EML1: variants seen among roughly 807,000 people sequenced by gnomAD.
The protein encoded by EML1 is echinoderm microtubule-associated protein-like 1.
A neutral mutation model predicts 110.4 loss-of-function variants in EML1; 27 were observed. The ratio of observed to expected loss-of-function variants is 0.24; its 90% CI spans 0.18 to 0.34. EML1 has a LOEUF of 0.34. Among genes scored for constraint, EML1 ranks in the 10% least tolerant of loss-of-function variants. EML1 has a pLI of 1.00. For synonymous variants in EML1, 344 were observed against 385.8 expected, an observed-to-expected ratio of 0.89 and a Z score of 1.27; for missense variants, 741 against 1,030.9, an observed-to-expected ratio of 0.72 and a Z score of 3.85.
At chr14:99,849,250 A>T (rs2058751543) in intron 1 of EML1, among the ~76,000 whole-genome samples, 1 of 151,962 alleles carries the variant, frequency 6.6e-6, no homozygotes, top group Non-Finnish European at 1.5e-5. Flanking sequence ...TAAAATTCTG[A>T]ATTTAGTTTT....
intron 1 of EML1, among the ~76,000 whole-genome samples, chr14:99,837,753 G>A (rs944587288): frequency 6.6e-6 from 1 of 152,076 alleles, no homozygotes; most frequent in Non-Finnish European, 1.5e-5. Flanking sequence ...TCTGGCTTTG[G>A]CCCCATTGGT....
At chr14:99,798,873 C>T (rs1244003441) in intron 1 of EML1, among the ~76,000 whole-genome samples, 1 of 152,096 alleles carries the variant, frequency 6.6e-6, no homozygotes, top group Non-Finnish European at 1.5e-5. Flanking sequence ...AGGCAGAGCC[C>T]TATCAGATTA....
upstream of EML1, among the ~76,000 whole-genome samples, chr14:99,771,203 A>G (rs1265337481): frequency 6.6e-6 from 1 of 152,116 alleles, no homozygotes; most frequent in African/African-American, 2.4e-5. Flanking sequence ...GTCACCCTGA[A>G]AAAAGACCCC....
Position 99,874,241 on chromosome 14 carries a change from A to G in EML1, c.384-4244A>G, listed in dbSNP as rs568560152. The stretch of plus-strand genomic sequence containing the variant: ...TTAAGTGGCACAAATTGTTGAATGC[A>G]TATGCAATGTAATATAAAGAACCAT... On this transcript the variant is annotated intron_variant, in intron 3 of 21. Transcript: ENST00000262233. Among the ~76,000 whole-genome samples, 4 of 152,362 alleles carry G rather than the reference A, an allele frequency of 2.6e-5. No individual in the cohort carries two copies. The South Asian group carries it at 6.2e-4, about 24-fold the overall frequency.
At chr14:99,895,758 C>T (rs564194457) in intron 6 of EML1, among the ~76,000 whole-genome samples, 3 of 49,486 alleles carry the variant, frequency 6.1e-5, no homozygotes, top group Non-Finnish European at 1.1e-4. Flanking sequence ...TAGATATCAT[C>T]CTACTTTAAA....
Position 99,936,831 on chromosome 14 carries a change from G to A in EML1, c.2095+497G>A, listed in dbSNP as rs908702234. The stretch of plus-strand genomic sequence containing the variant: ...GGCCCAGGCAGTGCTTGGGAACAGC[G>A]AGGATGATCGTGGCGGGCACTTACA... On this transcript the variant is annotated intron_variant, in intron 19 of 21. Coordinates refer to ENST00000262233, the MANE Select transcript of EML1 (RefSeq NM_004434.3). The surrounding 1 kb of genome is among the most constrained non-coding windows in gnomAD (Gnocchi z 5.5). Among the ~76,000 whole-genome samples the A allele has an allele frequency of 6.6e-6, 1 of 152,166 alleles. No homozygotes were observed. Among genetic ancestry groups the A allele is most frequent in the Non-Finnish European group, 1.5e-5 (1 of 68,022 alleles).
chr14:99,737,733 G>A, exon 1 of EML1: 1 of 1,219,360 alleles, frequency 8.2e-7, no homozygotes, highest in South Asian at 1.3e-5. Context: ...CCTGGGGCTG[G>A]ACGCGGAGGA....
At chr14:99,838,754 G>A (rs1014785947) in intron 1 of EML1, among the ~76,000 whole-genome samples, 3 of 152,050 alleles carry the variant, frequency 2.0e-5, no homozygotes, top group African/African-American at 4.8e-5. Flanking sequence ...TGCTTCACAC[G>A]TTATCAGGAA....
At chr14:99,750,996 C>G (rs530701086) in intron 1 of EML1, among the ~76,000 whole-genome samples, 1 of 152,230 alleles carries the variant, frequency 6.6e-6, no homozygotes, top group East Asian at 1.9e-4. Flanking sequence ...GTGAAATGAA[C>G]TGGCTGGAGC....
intron 1 of EML1, among the ~76,000 whole-genome samples, chr14:99,755,027 C>T (rs535025076): frequency 6.6e-6 from 1 of 152,360 alleles, no homozygotes; most frequent in South Asian, 2.1e-4. Flanking sequence ...GGAGGCCCAG[C>T]ATCCTACACG....
intron 5 of EML1, among the ~76,000 whole-genome samples, chr14:99,893,424 A>C (rs1250289670): frequency 6.6e-6 from 1 of 152,186 alleles, no homozygotes; most frequent in Non-Finnish European, 1.5e-5. Context: ...TGGCTGGCAC[A>C]CATAGGCAGG....
intron 1 of EML1, among the ~76,000 whole-genome samples, chr14:99,823,536 C>G (rs1490990280): frequency 1.3e-5 from 2 of 152,040 alleles, no homozygotes; most frequent in Non-Finnish European, 2.9e-5. Context: ...ATTGTAGAAA[C>G]AAATGAACCA....
At chr14:99,810,338 T>C (rs542498016) in intron 1 of EML1, among the ~76,000 whole-genome samples, 77 of 152,334 alleles carry the variant, frequency 5.1e-4, no homozygotes, top group Admixed American at 1.7e-3. Context: ...GTATCTGCCA[T>C]AAGAAGACCT....
intron 1 of EML1, among the ~76,000 whole-genome samples, chr14:99,774,796 G>A (rs952735127): frequency 2.0e-5 from 3 of 152,214 alleles, no homozygotes; most frequent in Non-Finnish European, 4.4e-5. Context: ...CTGAAGGAAG[G>A]AAGGGCAGAA....
chr14:99,838,906 T>TAC (rs2058582820), intron 1 of EML1: 1 of 143,476 alleles, frequency 7.0e-6, no homozygotes. Context: ...GGTTGGGGAG[T>TAC]GCGCGCGCGC....
intron 1 of EML1, among the ~76,000 whole-genome samples, chr14:99,808,252 C>T (rs1359134918): frequency 1.3e-5 from 2 of 152,178 alleles, no homozygotes; most frequent in Admixed American, 6.6e-5. Flanking sequence ...GCTTCTTTCC[C>T]CTGCTCTGCA....
chr14:99,937,942 A>G, intron 20 of EML1, 30 bp downstream of exon 20: 1 of 1,592,902 alleles, frequency 6.3e-7, no homozygotes, highest in South Asian at 1.1e-5. Context: ...CACTGGTTCC[A>G]ACAAAAGAGT....
At chr14:99,829,461 TGTG>T (rs1202762590) in intron 1 of EML1, among the ~76,000 whole-genome samples, 9 of 152,342 alleles carry the variant, frequency 5.9e-5, no homozygotes, top group East Asian at 1.9e-4. Flanking sequence ...ATTTTTAAAT[TGTG>T]GTAAAATATA....
intron 2 of EML1, among the ~76,000 whole-genome samples, chr14:99,862,985 A>G (rs2059027235): frequency 6.6e-6 from 1 of 152,166 alleles, no homozygotes; most frequent in East Asian, 1.9e-4. Flanking sequence ...ATCTGTGTTA[A>G]GGGAAACCTG....
Sources: gnomAD v4.1 joint callset for allele counts (sites outside exome capture counted in the v4.1 genomes callset) on GRCh38, gnomAD v4.1.1 for gene constraint, Gnocchi (gnomAD v3.1) non-coding constraint, MANE v1.5 for transcripts, NCBI Gene and HGNC (gene_info 2026-07-23, HGNC 2026-07-21) for gene names.